The following ARB2A variants were observed in gnomAD, a reference collection of about 807,000 sequenced individuals.
ARB2A encodes ARB2 cotranscriptional regulator A, also known as cotranscriptional regulator ARB2A.
chr5:93,686,390 C>G, the ARB2A span, among the ~76,000 whole-genome samples: 2 of 152,164 alleles, frequency 1.3e-5, no homozygotes, highest in African/African-American at 2.4e-5. Flanking sequence ...GTCTATTTCA[C>G]CTGCCTGTTC....
chr5:93,707,576 CTTT>C, the ARB2A span, among the ~76,000 whole-genome samples: 1 of 138,046 alleles, frequency 7.2e-6, no homozygotes, highest in Non-Finnish European at 1.6e-5. Flanking sequence ...TTTTTTCTTT[CTTT>C]TTTTTTTTTT....
the ARB2A span, among the ~76,000 whole-genome samples, chr5:93,623,360 T>C: frequency 1.3e-5 from 2 of 152,162 alleles, no homozygotes; most frequent in African/African-American, 4.8e-5. Flanking sequence ...CACCTACTAG[T>C]GTTACTAAGG....
chr5:93,882,300 C>T, the ARB2A span, among the ~76,000 whole-genome samples: 3 of 151,194 alleles, frequency 2.0e-5, no homozygotes, highest in African/African-American at 7.3e-5. Context: ...TCACAGGAGG[C>T]CAGAAAAATC....
At chr5:93,805,056 T>A in the ARB2A span, 1 of 962,146 alleles carries the variant, frequency 1.0e-6, no homozygotes, top group South Asian at 4.8e-5. Flanking sequence ...CATTTTAATA[T>A]ATAATTAATG....
chr5:93,670,281 C>T, the ARB2A span, among the ~76,000 whole-genome samples: 1 of 152,214 alleles, frequency 6.6e-6, no homozygotes, highest in Non-Finnish European at 1.5e-5. Context: ...CTATCCAACT[C>T]AAGACCCTCA....
the ARB2A span, among the ~76,000 whole-genome samples, chr5:93,859,356 C>T: frequency 3.3e-5 from 5 of 150,598 alleles, no homozygotes; most frequent in African/African-American, 4.9e-5. Flanking sequence ...TAACTCCAAA[C>T]GTAAAAGTTA....
the ARB2A span, among the ~76,000 whole-genome samples, chr5:93,843,023 A>G: frequency 1.3e-5 from 2 of 152,248 alleles, no homozygotes; most frequent in Non-Finnish European, 2.9e-5. Context: ...TCAGACCCTT[A>G]GACTTCAGGC....
chr5:93,624,938 C>G, the ARB2A span, among the ~76,000 whole-genome samples: 1 of 152,154 alleles, frequency 6.6e-6, no homozygotes, highest in African/African-American at 2.4e-5. Context: ...TCCAGGAATA[C>G]AACTACCGTG....
the ARB2A span, among the ~76,000 whole-genome samples, chr5:93,661,837 T>C: frequency 6.6e-6 from 1 of 151,886 alleles, no homozygotes. Flanking sequence ...CGGTGGATGA[T>C]TGTGGCTGAA....
chr5:93,746,637 C>T, the ARB2A span, among the ~76,000 whole-genome samples: 27,910 of 152,042 alleles, frequency 0.18, 2,944 homozygotes, highest in Middle Eastern at 0.28. Flanking sequence ...AACCACCACA[C>T]AGTCAGAGAA....
the ARB2A span, among the ~76,000 whole-genome samples, chr5:94,003,401 T>C: frequency 1.3e-5 from 2 of 151,980 alleles, no homozygotes; most frequent in Non-Finnish European, 2.9e-5. Flanking sequence ...ATCAGAAACA[T>C]AGAATTAAAA....
chr5:93,735,212 A>C, the ARB2A span: 1 of 152,198 alleles, frequency 6.6e-6, no homozygotes, highest in African/African-American at 2.4e-5. Context: ...TATCATCTTA[A>C]ATCTCTGAAA....
chr5:94,110,196 C>G, the ARB2A span, among the ~76,000 whole-genome samples: 1 of 152,082 alleles, frequency 6.6e-6, no homozygotes, highest in South Asian at 2.1e-4. Context: ...TTCTCTATAC[C>G]TCTTAATCAC....
At chr5:94,067,528 A>G in the ARB2A span, among the ~76,000 whole-genome samples, 1 of 152,230 alleles carries the variant, frequency 6.6e-6, no homozygotes, top group Admixed American at 6.5e-5. Flanking sequence ...GTGTTTCTAA[A>G]TTCCAATAAT....
At chr5:93,651,242 C>T in the ARB2A span, among the ~76,000 whole-genome samples, 2 of 151,994 alleles carry the variant, frequency 1.3e-5, no homozygotes, top group African/African-American at 4.8e-5. Context: ...CTCAAGCAAC[C>T]CTCCCATCTC....
the ARB2A span, among the ~76,000 whole-genome samples, chr5:93,691,086 G>T: frequency 6.6e-6 from 1 of 152,090 alleles, no homozygotes; most frequent in Non-Finnish European, 1.5e-5. Context: ...GTGCAAAAAG[G>T]CTGAAAATTC....
chr5:93,852,563 T>C, the ARB2A span, among the ~76,000 whole-genome samples: 1 of 152,186 alleles, frequency 6.6e-6, no homozygotes, highest in East Asian at 1.9e-4. Flanking sequence ...GCCTAGGTTT[T>C]CTTCTAGGGT....
chr5:93,921,718 T>A, the ARB2A span, among the ~76,000 whole-genome samples: 1 of 152,214 alleles, frequency 6.6e-6, no homozygotes, highest in Non-Finnish European at 1.5e-5. Context: ...TCAGGACTGT[T>A]CTCATCTATA....
At chr5:93,698,892 G>A in the ARB2A span, among the ~76,000 whole-genome samples, 1 of 152,138 alleles carries the variant, frequency 6.6e-6, no homozygotes, top group East Asian at 1.9e-4. Flanking sequence ...CTATGGTGGG[G>A]GTCATGCAGG....
Sources: allele counts gnomAD v4.1 joint callset (sites outside exome capture counted in the v4.1 genomes callset), GRCh38; gene constraint gnomAD v4.1.1; transcripts MANE v1.5; gene names NCBI Gene and HGNC (gene_info 2026-07-23, HGNC 2026-07-21).